The following STS variants were observed in gnomAD, a reference collection of about 807,000 sequenced individuals.
STS encodes the protein steryl-sulfatase.
In STS, 7 loss-of-function variants were observed where a neutral mutation model predicts 26.8. The observed-to-expected ratio is 0.26, with a 90% CI of 0.15 to 0.49. The LOEUF (loss-of-function observed/expected upper bound fraction) is 0.49. Among genes scored for constraint, STS ranks in the 20% least tolerant of loss-of-function variants. The pLI is 0.98. For synonymous variants in STS, 199 were observed against 189.4 expected, an observed-to-expected ratio of 1.05 and a Z score of -0.42; for missense variants, 434 against 465.6, an observed-to-expected ratio of 0.93 and a Z score of 0.63.
rs773099281 is a variant in STS at position 7,316,158 on chromosome X, T to C, written c.1082-9181T>C. On this transcript the variant is annotated intron_variant, in intron 8 of 10. Transcript: ENST00000674429. ...TTCCAGAGTAAGATGTATTTTTTAGTTTTTCATTCTTGCAGACAATATTAA... is the reference window on the plus strand; with the variant it reads ...TTCCAGAGTAAGATGTATTTTTTAGCTTTTCATTCTTGCAGACAATATTAA... 1.9e-4 allele frequency among the ~76,000 whole-genome samples: 21 copies of C among 111,669 alleles called. 1 individual carries two copies. In the South Asian group the frequency reaches 7.5e-3, roughly 40 times the overall value.
chrX:7,264,977 C>T (rs1256877923), intron 6 of STS, among the ~76,000 whole-genome samples: 1 of 108,322 alleles, frequency 9.2e-6, no homozygotes, highest in Non-Finnish European at 1.9e-5. Flanking sequence ...TGATCTTTCT[C>T]TTACTAGGGT....
intron 2 of STS, chrX:7,219,756 G>A: frequency 5.5e-6 from 6 of 1,093,151 alleles, no homozygotes; most frequent in Non-Finnish European, 7.6e-6. Flanking sequence ...GATGTTCACA[G>A]CAGCTACCTG....
intron 2 of STS, among the ~76,000 whole-genome samples, chrX:7,191,365 A>G (rs974317907): frequency 9.8e-5 from 11 of 112,213 alleles, no homozygotes; most frequent in Non-Finnish European, 1.7e-4. Flanking sequence ...AAATGATTTA[A>G]TGCATCCTCT....
intron 7 of STS, among the ~76,000 whole-genome samples, chrX:7,297,195 G>A (rs992831716): frequency 1.8e-5 from 2 of 109,977 alleles, no homozygotes; most frequent in African/African-American, 6.6e-5. Context: ...GCATTTAGTC[G>A]CAGGTAACCT....
At chrX:7,212,610 T>C (rs1168453081) in intron 2 of STS, among the ~76,000 whole-genome samples, 1 of 112,309 alleles carries the variant, frequency 8.9e-6, no homozygotes, top group Non-Finnish European at 1.9e-5. Flanking sequence ...AGTTACTCCT[T>C]TTAAATAGAT....
chrX:7,170,906 C>T (rs751575306), intron 1 of STS, among the ~76,000 whole-genome samples: 4 of 111,914 alleles, frequency 3.6e-5, no homozygotes, highest in Middle Eastern at 4.7e-3. Context: ...TAATCAAACA[C>T]GTAATTAGAT....
At chrX:7,320,939 A>G (rs145157302) in intron 8 of STS, among the ~76,000 whole-genome samples, 1 of 112,097 alleles carries the variant, frequency 8.9e-6, no homozygotes, top group East Asian at 2.8e-4. Context: ...TGCAAAGGTC[A>G]GAGCCTGCTG....
Position 7,148,029 on chromosome X carries a change from A to T in STS, c.-188A>T. The stretch of plus-strand genomic sequence containing the variant: ...GCCCACACAAGACCGCCCTTACTGG[A>T]GGCGGCGGCTGCACACTACCCACCC... On this transcript the variant is annotated 5_prime_UTR_variant, in exon 1 of 11. Transcript: ENST00000674429. 1 of 1,119,174 alleles carries T rather than the reference A, an allele frequency of 8.9e-7. No homozygotes were observed. Among genetic ancestry groups the T allele is most frequent in the Non-Finnish European group, 1.2e-6 (1 of 841,491 alleles). 92.2% of individuals were successfully genotyped at this position (1,119,174 alleles called of 1,213,427 possible).
chrX:7,167,590 G>C (rs1321412246), intron 1 of STS, among the ~76,000 whole-genome samples: 1 of 112,103 alleles, frequency 8.9e-6, no homozygotes, highest in Non-Finnish European at 1.9e-5. Flanking sequence ...CTTCATGAGA[G>C]GCATCTTACA....
At chrX:7,237,213 C>CAAA (rs59873673) in intron 2 of STS, among the ~76,000 whole-genome samples, 3,244 of 78,181 alleles carry the variant, frequency 0.041, 169 homozygotes, top group African/African-American at 0.14. Context: ...AAGATTTGCT[C>CAAA]AAAAAAAAAA....
intron 8 of STS, among the ~76,000 whole-genome samples, 176 bp from the exon 9 acceptor site, chrX:7,325,163 T>C (rs759247256): frequency 1.8e-5 from 2 of 111,974 alleles, no homozygotes; most frequent in South Asian, 3.7e-4. Flanking sequence ...CTGTATCATA[T>C]ATATTCCTTT....
chrX:7,285,767 G>C lies in STS; in HGVS notation c.943+9680G>C, dbSNP rs781508840. Among the ~76,000 whole-genome samples the C allele has an allele frequency of 1.1e-4, 12 of 111,502 alleles. No individual in the cohort carries two copies. The South Asian group carries it at 4.5e-3, about 42-fold the overall frequency. On this transcript the variant is annotated intron_variant, in intron 7 of 10. Coordinates refer to ENST00000674429, the MANE Select transcript of STS (RefSeq NM_001320752.2). ...ACCACATTATACTGATTCCTGAATA[G>C]GTCAGACTTTTTTCTTGTATTTTTA... is the stretch of plus-strand genomic sequence containing the variant.
In STS at chrX:7,349,315, C is replaced by CTTTTTTTTTTTTTTTTTTTTT. The variant is rs1928669611; in HGVS notation, c.1364-573_1364-572insTTTTTTTTTTTTTTTTTTTTT. Among the ~76,000 whole-genome samples, 6 of 20,285 alleles carry CTTTTTTTTTTTTTTTTTTTTT rather than the reference C, an allele frequency of 3.0e-4. 2 individuals are homozygous for CTTTTTTTTTTTTTTTTTTTTT. The highest frequency in any genetic ancestry group is 4.5e-4 in the Non-Finnish European group (5 of 11,002). 17.6% of individuals were successfully genotyped at this position (20,285 alleles called of 115,157 possible). On this transcript the variant is annotated intron_variant, in intron 10 of 10. Transcript: ENST00000674429. The stretch of plus-strand genomic sequence containing the variant: ...CGCTGCACTCGGCCCTCATTTAATT[C>CTTTTTTTTTTTTTTTTTTTTT]CTTTTTTTTTTTTTTTTTTTTTTTT...
At position 7,190,879 on chromosome X, in the gene STS, G is replaced by T; in HGVS notation, c.-133-1G>T. On this transcript the variant is annotated splice_acceptor_variant, in intron 1 of 10. Transcript: ENST00000674429. LOFTEE classifies it low-confidence loss of function (5UTR_SPLICE). Reference sequence around the variant, plus strand: ...TATTCATCTTTTGAATGAATTCACAGGAAGAGCCCGATGCCCTTGGTTTGA... The same window carrying T: ...TATTCATCTTTTGAATGAATTCACATGAAGAGCCCGATGCCCTTGGTTTGA... The T allele has an allele frequency of 2.8e-6, 1 of 353,136 alleles. No individual in the cohort carries two copies. The highest frequency in any genetic ancestry group is 2.8e-5 in the African/African-American group (1 of 35,896). 29.1% of individuals were successfully genotyped at this position (353,136 alleles called of 1,213,427 possible).
At position 7,203,502 on chromosome X, in the gene STS, T is replaced by C. The variant is rs182091898; in HGVS notation, c.-5+12494T>C. Among the ~76,000 whole-genome samples, 9 of 111,840 alleles carry C rather than the reference T, an allele frequency of 8.0e-5. No individual in the cohort carries two copies. The East Asian group carries it at 2.5e-3, about 32-fold the overall frequency. ...TCTTTTTATTCCCACTAGTAAAAAC[T>C]ATCACATTTGAGGAGCATTGTGAAT... is the stretch of plus-strand genomic sequence containing the variant. On this transcript the variant is annotated intron_variant, in intron 2 of 10. Transcript: ENST00000674429.
At chrX:7,204,647 C>G (rs1354650251) in intron 2 of STS, among the ~76,000 whole-genome samples, 2 of 102,054 alleles carry the variant, frequency 2.0e-5, no homozygotes, top group African/African-American at 3.6e-5. Context: ...TTCCTTTTTT[C>G]TCTCTCCTGC....
Position 7,350,071 on chromosome X carries a change from C to T in STS, c.1547C>T (p.Pro516Leu), listed in dbSNP as rs1460123900. 5.0e-6 allele frequency: 6 copies of T among 1,211,865 alleles called. No individual in the cohort carries two copies. The Admixed American group carries it at 1.3e-4, about 26-fold the overall frequency. Residue 516 changes from proline to leucine, a missense_variant, in exon 11 of 11, where the codon CCC becomes CTC. Around this residue, in one of 2 missense-constraint regions of STS, gnomAD observed 205 missense variants for 177.3 expected, o/e 1.16. Transcript: ENST00000674429. The part of the protein sequence containing the change: ...ERNPLTPASE[P>L]RFYEILKVMQ... The stretch of plus-strand genomic sequence containing the variant: ...AACCCACTAACTCCAGCATCCGAGC[C>T]CCGGTTTTATGAAATCCTCAAAGTC...
chrX:7,336,553 C>T (rs1928039229), intron 10 of STS, among the ~76,000 whole-genome samples: 2 of 111,767 alleles, frequency 1.8e-5, no homozygotes, highest in Admixed American at 9.6e-5. Context: ...CATGGGCTTG[C>T]GATTTTACTT....
At chrX:7,235,335 C>T (rs1922265510) in intron 2 of STS, among the ~76,000 whole-genome samples, 1 of 112,089 alleles carries the variant, frequency 8.9e-6, no homozygotes, top group Non-Finnish European at 1.9e-5. Flanking sequence ...TATGATGGCA[C>T]TCAAATGTAT....
Sources: allele counts gnomAD v4.1 joint callset (sites outside exome capture counted in the v4.1 genomes callset), GRCh38; gene constraint gnomAD v4.1.1; regional missense constraint gnomAD v4.1.1; transcripts MANE v1.5; gene names NCBI Gene and HGNC (gene_info 2026-07-23, HGNC 2026-07-21).